Variants in MRE11 observed in about 807,000 individuals in gnomAD.
MRE11 encodes double-strand break repair protein MRE11.
MRE11 carries 62 observed loss-of-function variants against 91.7 expected under a neutral mutation model. The ratio of observed to expected loss-of-function variants is 0.68; its 90% CI spans 0.55 to 0.84. The LOEUF (loss-of-function observed/expected upper bound fraction) is 0.84. Ranked by LOEUF, MRE11 falls within the 40% of genes least tolerant of loss-of-function variation. MRE11 has a pLI of 0.00. For synonymous variants in MRE11, 273 were observed against 271.4 expected (o/e 1.01, Z -0.06); for missense variants, 796 against 852.9 (o/e 0.93, Z 0.83).
chr11:94,457,224 T>G (rs550814715), intron 13 of MRE11, among the ~76,000 whole-genome samples: 34 of 152,314 alleles, frequency 2.2e-4, no homozygotes, highest in African/African-American at 7.5e-4. Flanking sequence ...AAGTGAGATG[T>G]AAGATAGAAA....
intron 4 of MRE11, among the ~76,000 whole-genome samples, chr11:94,481,198 A>C (rs1947004369): frequency 6.6e-6 from 1 of 152,136 alleles, no homozygotes; most frequent in Non-Finnish European, 1.5e-5. Context: ...AGTCCCAGCT[A>C]CTTGGGAGAC....
intron 4 of MRE11, among the ~76,000 whole-genome samples, chr11:94,482,198 TTTC>T (rs773395081): frequency 4.6e-5 from 7 of 152,244 alleles, no homozygotes; most frequent in Non-Finnish European, 1.0e-4. Flanking sequence ...TCTAGCCATT[TTTC>T]TTATCATCTC....
chr11:94,436,814 T>C (rs1945631624), intron 17 of MRE11, among the ~76,000 whole-genome samples: 1 of 152,220 alleles, frequency 6.6e-6, no homozygotes, highest in Non-Finnish European at 1.5e-5. Flanking sequence ...ACAGCTAGTA[T>C]TTTGGGAAGA....
intron 14 of MRE11, among the ~76,000 whole-genome samples, chr11:94,450,314 T>C (rs1248480508): frequency 6.6e-6 from 1 of 152,178 alleles, no homozygotes; most frequent in Non-Finnish European, 1.5e-5. Flanking sequence ...TTATACGACA[T>C]AACTACCACA....
At chr11:94,496,874 G>C, upstream of MRE11, 1 of 1,613,480 alleles carries the variant, frequency 6.2e-7, no homozygotes, top group South Asian at 1.1e-5. Context: ...CAAAAATGAA[G>C]AGTGGTATCG....
intron 18 of MRE11, among the ~76,000 whole-genome samples, chr11:94,432,664 G>A (rs758663465): frequency 3.9e-5 from 6 of 152,114 alleles, no homozygotes; most frequent in Admixed American, 2.6e-4. Flanking sequence ...AAAATTAGCC[G>A]GGCATGGTGG....
At chr11:94,429,307 T>C (rs1380269419) in intron 19 of MRE11, among the ~76,000 whole-genome samples, 3 of 152,132 alleles carry the variant, frequency 2.0e-5, no homozygotes, top group African/African-American at 7.2e-5. Context: ...AGAGCTACGA[T>C]TTGACCCAGC....
the MRE11 span, among the ~76,000 whole-genome samples, chr11:94,502,720 C>T: frequency 6.6e-6 from 1 of 152,068 alleles, no homozygotes; most frequent in East Asian, 1.9e-4. Flanking sequence ...GTTGTCCAGG[C>T]TAGAGTGCAC....
At chr11:94,442,460 A>G (rs1008948613) in intron 16 of MRE11, among the ~76,000 whole-genome samples, 1 of 152,172 alleles carries the variant, frequency 6.6e-6, no homozygotes, top group African/African-American at 2.4e-5. Flanking sequence ...ACTGGATTCC[A>G]CAGGACACAA....
intron 16 of MRE11, among the ~76,000 whole-genome samples, chr11:94,444,134 C>G (rs1945862735): frequency 6.6e-6 from 1 of 151,980 alleles, no homozygotes; most frequent in Non-Finnish European, 1.5e-5. Flanking sequence ...GTTTCGATCT[C>G]CTGAGCTCAG....
At chr11:94,489,946 T>G (rs528101896) in intron 3 of MRE11, among the ~76,000 whole-genome samples, 1 of 152,260 alleles carries the variant, frequency 6.6e-6, no homozygotes, top group East Asian at 1.9e-4. Flanking sequence ...GTCACTGTCA[T>G]CCCTTTGCCC....
At chr11:94,460,895 T>G (rs376309948) in intron 12 of MRE11, 41 bp downstream of exon 12, 14 of 1,471,206 alleles carry the variant, frequency 9.5e-6, no homozygotes, top group Non-Finnish European at 1.3e-5. Context: ...TCTGTTACTA[T>G]AAGGTAGCCA....
Position 94,429,222 on chromosome 11 carries a change from T to G in MRE11, c.2070+689A>C, listed in dbSNP as rs1440941922. ...CTAGTGAGGTTGTCAGAAAAGGGAA[T>G]GCTTATACATTGTTGGAATGTAAAT... On this transcript the variant is annotated intron_variant, in intron 19 of 19. Transcript: ENST00000323929. 2.6e-5 allele frequency among the ~76,000 whole-genome samples: 4 copies of G among 152,218 alleles called. No homozygotes were observed. In the East Asian group the frequency reaches 7.7e-4, roughly 29 times the overall value.
chr11:94,492,927 T>C (rs1947327711), intron 1 of MRE11, 21 bp from the exon 2 acceptor site: 3 of 863,538 alleles, frequency 3.5e-6, no homozygotes, highest in Middle Eastern at 6.9e-4. Context: ...AATTACATCA[T>C]AAAACACATT....
chr11:94,461,451 G>A (rs752790117), intron 11 of MRE11, among the ~76,000 whole-genome samples: 8 of 152,114 alleles, frequency 5.3e-5, no homozygotes, highest in East Asian at 3.8e-4. Context: ...AAGGTAGTTC[G>A]GTATTGATGG....
Position 94,470,590 on chromosome 11 carries a change from G to T in MRE11, c.898C>A (p.Pro300Thr). The change falls in exon 9 of 20, where the codon CCT becomes ACT. Residue 300 changes from proline to threonine, a missense_variant. By Grantham distance (38) the Pro-to-Thr change is conservative (BLOSUM62 -1). Transcript: ENST00000323929. Reference sequence around the variant, plus strand: ...AAAAACTGCCGCACTGTGTGAAGAGGAATTTTATGCATATTCATCTTCCTC... The same window carrying T: ...AAAAACTGCCGCACTGTGTGAAGAGTAATTTTATGCATATTCATCTTCCTC... ...KGRKMNMHKI[P>T]LHTVRQFFME... is the part of the protein sequence containing the mutation. The T allele has an allele frequency of 6.2e-7, 1 of 1,613,248 alleles. No homozygotes were observed. The highest frequency in any genetic ancestry group is 1.1e-5 in the South Asian group (1 of 91,058).
chr11:94,478,782 G>A lies in MRE11; in HGVS notation c.497C>T (p.Pro166Leu), dbSNP rs587782308. ...TGTGCTTCCTTTTTGAAGCAAAACC[G>A]GACTAATGTCTATCTTCTCCACAGA... ...SMSVEKIDIS[P>L]VLLQKGSTKI... Residue 166 changes from proline (P) to leucine (L), a missense_variant, in exon 6 of 20, where the codon CCG (proline) becomes CTG (leucine). Pro to Leu is a moderately conservative substitution (Grantham distance 98). Transcript: ENST00000323929. 8 of 1,613,330 alleles carry A rather than the reference G, an allele frequency of 5.0e-6. No homozygotes were observed. Among genetic ancestry groups the A allele is most frequent in the South Asian group, 1.1e-5 (1 of 91,070 alleles).
intron 19 of MRE11, 134 bp downstream of exon 19, chr11:94,429,777 G>T: frequency 1.3e-6 from 1 of 750,288 alleles, no homozygotes; most frequent in Non-Finnish European, 2.2e-6. Flanking sequence ...TAACAAACCT[G>T]CACATGTACT....
At chr11:94,430,886 T>C (rs749593826) in intron 18 of MRE11, among the ~76,000 whole-genome samples, 10 of 151,890 alleles carry the variant, frequency 6.6e-5, no homozygotes, top group Non-Finnish European at 1.2e-4. Flanking sequence ...CCAGGTTTTG[T>C]TTTTTTTATG....
Sources: gnomAD v4.1 joint callset for allele counts (sites outside exome capture counted in the v4.1 genomes callset) on GRCh38, gnomAD v4.1.1 for gene constraint, MANE v1.5 for transcripts, NCBI Gene and HGNC (gene_info 2026-07-23, HGNC 2026-07-21) for gene names.